The following KDM6A variants were observed in gnomAD, a reference collection of about 807,000 sequenced individuals.
The protein encoded by KDM6A is lysine-specific demethylase 6A.
Under a neutral mutation model 117.6 loss-of-function variants are expected in KDM6A, and 11 were observed. That is an observed-to-expected ratio of 0.09 (90% CI 0.06 to 0.15). KDM6A has a LOEUF of 0.15. Ranked by LOEUF, KDM6A falls within the 10% of genes least tolerant of loss-of-function variation. The pLI is 1.00. For synonymous variants in KDM6A, 384 were observed against 396.1 expected (o/e 0.97, Z 0.36); for missense variants, 799 against 1,077.3 (o/e 0.74, Z 3.62).
chrX:45,020,000 T>C (rs760951304), intron 5 of KDM6A, among the ~76,000 whole-genome samples: 4 of 111,299 alleles, frequency 3.6e-5, no homozygotes, highest in African/African-American at 1.3e-4. Context: ...TACACAAATA[T>C]GGGTATTTGA....
intron 2 of KDM6A, among the ~76,000 whole-genome samples, chrX:44,914,613 C>A (rs185198721): frequency 6.1e-4 from 68 of 111,087 alleles, no homozygotes; most frequent in Non-Finnish European, 1.1e-3. Flanking sequence ...CATATGTTCC[C>A]TGACCCTATC....
At chrX:45,027,552 G>T (rs1433697932) in intron 6 of KDM6A, among the ~76,000 whole-genome samples, 1 of 110,773 alleles carries the variant, frequency 9.0e-6, no homozygotes, top group African/African-American at 3.3e-5. Flanking sequence ...TTTCTTAGGG[G>T]ATTAGAAAAG....
chrX:45,070,441 T>C, intron 18 of KDM6A, 84 bp downstream of exon 18: 3 of 890,126 alleles, frequency 3.4e-6, no homozygotes, highest in Middle Eastern at 3.9e-4. Flanking sequence ...GTTTAAGATA[T>C]GGGAAGTAAG....
Position 44,878,317 on chromosome X carries a change from G to A in KDM6A, c.225+4330G>A, listed in dbSNP as rs756181397. On this transcript the variant is annotated intron_variant, in intron 2 of 29. Transcript: ENST00000611820. ...CTCAACCTGTAAATTCATTTCCAGT[G>A]CTAAAGATGGCTAGTGTTTTGGTTA... Among the ~76,000 whole-genome samples, 9 of 111,753 alleles carry A rather than the reference G, an allele frequency of 8.1e-5. No homozygotes were observed. In the South Asian group the frequency reaches 1.1e-3, roughly 14 times the overall value.
intron 27 of KDM6A, among the ~76,000 whole-genome samples, chrX:45,095,162 C>T (rs2046052390): frequency 9.0e-6 from 1 of 111,046 alleles, no homozygotes; most frequent in East Asian, 2.8e-4. Flanking sequence ...TAGCCAAGCA[C>T]TGAGCAAAGT....
At chrX:44,977,558 T>A (rs781358135) in intron 4 of KDM6A, among the ~76,000 whole-genome samples, 1 of 111,905 alleles carries the variant, frequency 8.9e-6, no homozygotes, top group Non-Finnish European at 1.9e-5. Context: ...GCCACCGCAC[T>A]TGGCCTGTCT....
intron 2 of KDM6A, among the ~76,000 whole-genome samples, chrX:44,942,469 G>A (rs1341233088): frequency 9.0e-6 from 1 of 110,848 alleles, no homozygotes; most frequent in Non-Finnish European, 1.9e-5. Context: ...TGATCTGTGT[G>A]TTTGTCTTTT....
chrX:45,108,508 CTTAAGAG>C (rs1483786227), intron 28 of KDM6A, among the ~76,000 whole-genome samples: 1 of 111,181 alleles, frequency 9.0e-6, no homozygotes, highest in Non-Finnish European at 1.9e-5. Flanking sequence ...TTGCAGTGGT[CTTAAGAG>C]TTATGGGACT....
At chrX:45,014,814 A>T (rs1182317360) in intron 5 of KDM6A, among the ~76,000 whole-genome samples, 1 of 112,267 alleles carries the variant, frequency 8.9e-6, no homozygotes, top group African/African-American at 3.2e-5. Flanking sequence ...AATCCTTATT[A>T]ACTATCTCTG....
chrX:45,074,898 G>A (rs1286908648), intron 18 of KDM6A, among the ~76,000 whole-genome samples: 1 of 111,650 alleles, frequency 9.0e-6, no homozygotes, highest in Non-Finnish European at 1.9e-5. Context: ...GTAAATGACA[G>A]AGACAGAATT....
chrX:45,014,705 C>G (rs866927536), intron 5 of KDM6A, among the ~76,000 whole-genome samples: 1 of 111,556 alleles, frequency 9.0e-6, no homozygotes, highest in African/African-American at 3.3e-5. Context: ...AAAAGTTAGA[C>G]TAAAAAAAGA....
At chrX:44,900,192 A>G (rs940686529) in intron 2 of KDM6A, among the ~76,000 whole-genome samples, 1 of 112,279 alleles carries the variant, frequency 8.9e-6, no homozygotes, top group Non-Finnish European at 1.9e-5. Context: ...TCCTTTCAAC[A>G]TATTAAGGCC....
At chrX:44,980,184 A>G (rs990979020) in intron 4 of KDM6A, among the ~76,000 whole-genome samples, 50 of 93,536 alleles carry the variant, frequency 5.3e-4, no homozygotes, top group African/African-American at 3.0e-3. Flanking sequence ...TTTAGTAGAG[A>G]CAGGTTTCAC....
chrX:44,892,034 C>T (rs927573172), intron 2 of KDM6A, among the ~76,000 whole-genome samples: 1 of 112,136 alleles, frequency 8.9e-6, no homozygotes, highest in Non-Finnish European at 1.9e-5. Flanking sequence ...TAAGAATGTT[C>T]GCACAGGTCT....
intron 2 of KDM6A, among the ~76,000 whole-genome samples, chrX:44,890,695 C>T (rs1285949294): frequency 1.3e-5 from 1 of 78,875 alleles, no homozygotes; most frequent in Non-Finnish European, 2.2e-5. Flanking sequence ...GCTCTTGTTG[C>T]CCAGGCTGGA....
intron 8 of KDM6A, among the ~76,000 whole-genome samples, chrX:45,038,658 C>T: frequency 9.2e-6 from 1 of 108,639 alleles, no homozygotes; most frequent in Non-Finnish European, 1.9e-5. Flanking sequence ...GCACGTGGGG[C>T]TTAAAACCTA....
chrX:44,880,516 C>T (rs779938950), intron 2 of KDM6A, among the ~76,000 whole-genome samples: 3 of 107,076 alleles, frequency 2.8e-5, no homozygotes, highest in South Asian at 4.2e-4. Context: ...TAAGGCCAGG[C>T]GTGGTGGCTC....
rs775930208 is a variant in KDM6A at position 44,918,600 on chromosome X, AGGAGAATACATGT to A, written c.226-42680_226-42668del. On this transcript the variant is annotated intron_variant, in intron 2 of 29. Transcript: ENST00000611820. The stretch of plus-strand genomic sequence containing the variant: ...AAAATTTTTCCATAGTGAAAATTCT[AGGAGAATACATGT>A]GGACTCCAGTTTGAAAGACACTGCT... 2.1e-3 allele frequency among the ~76,000 whole-genome samples: 236 copies of A among 111,973 alleles called. 1 individual carries two copies. The highest frequency in any genetic ancestry group is 4.6e-3 in the Middle Eastern group (1 of 217).
intron 8 of KDM6A, among the ~76,000 whole-genome samples, chrX:45,041,711 G>C (rs1278064963): frequency 2.8e-5 from 3 of 106,674 alleles, no homozygotes; most frequent in Non-Finnish European, 5.9e-5. Flanking sequence ...GGGAAGAGGC[G>C]CTCCTCGCTT....
Sources: allele counts gnomAD v4.1 joint callset (sites outside exome capture counted in the v4.1 genomes callset), GRCh38; gene constraint gnomAD v4.1.1; transcripts MANE v1.5; gene names NCBI Gene and HGNC (gene_info 2026-07-23, HGNC 2026-07-21).